Variants in PARD3 observed in about 807,000 individuals in gnomAD.
PARD3 encodes the protein partitioning defective 3 homolog.
Under a neutral mutation model 155.4 loss-of-function variants are expected in PARD3, and 75 were observed. The observed-to-expected ratio is 0.48, with a 90% CI of 0.40 to 0.58. PARD3 has a LOEUF of 0.58. Among genes scored for constraint, PARD3 ranks in the 20% least tolerant of loss-of-function variants. PARD3 has a pLI of 0.00. For synonymous variants in PARD3, 576 were observed against 610.5 expected, an observed-to-expected ratio of 0.94 and a Z score of 0.83; for missense variants, 1,642 against 1,721.7, an observed-to-expected ratio of 0.95 and a Z score of 0.82.
At chr10:34,684,868 T>TACACACACACAC (rs780196425) in intron 2 of PARD3, among the ~76,000 whole-genome samples, 1 of 60,380 alleles carries the variant, frequency 1.7e-5, no homozygotes, top group Non-Finnish European at 3.7e-5. Context: ...TGTATATATA[T>TACACACACACAC]ACACACACAT....
At position 34,648,062 on chromosome 10, in the gene PARD3, A is replaced by G. The variant is rs549221641; in HGVS notation, c.222+48256T>C. 2.6e-5 allele frequency among the ~76,000 whole-genome samples: 4 copies of G among 152,356 alleles called. No individual in the cohort carries two copies. In the East Asian group the frequency reaches 7.7e-4, roughly 29 times the overall value. On this transcript the variant is annotated intron_variant, in intron 2 of 24. Coordinates refer to ENST00000374788, the MANE Select transcript of PARD3 (RefSeq NM_001184785.2). Reference sequence around the variant, plus strand: ...GAAGTACTCAGGAATCTGTTTATAAATAGAAATATCTACTTCATCCCGGGA... The same window carrying G: ...GAAGTACTCAGGAATCTGTTTATAAGTAGAAATATCTACTTCATCCCGGGA...
At chr10:34,561,035 C>G (rs911400697) in intron 2 of PARD3, among the ~76,000 whole-genome samples, 1 of 152,178 alleles carries the variant, frequency 6.6e-6, no homozygotes, top group Admixed American at 6.5e-5. Context: ...AACAGGCAGC[C>G]CTGCTACTCA....
At chr10:34,175,942 G>A (rs1488797539) in intron 22 of PARD3, among the ~76,000 whole-genome samples, 1 of 152,126 alleles carries the variant, frequency 6.6e-6, no homozygotes, top group Non-Finnish European at 1.5e-5. Flanking sequence ...TTACTGAATT[G>A]AGACAATTTT....
intron 2 of PARD3, among the ~76,000 whole-genome samples, chr10:34,635,079 G>A (rs1317956265): frequency 3.9e-5 from 6 of 152,170 alleles, no homozygotes; most frequent in Admixed American, 2.6e-4. Context: ...GCTCAAAACC[G>A]GAGATTCACT....
At chr10:34,778,403 T>C (rs1246652330) in intron 1 of PARD3, among the ~76,000 whole-genome samples, 4 of 152,234 alleles carry the variant, frequency 2.6e-5, no homozygotes, top group African/African-American at 4.8e-5. Context: ...TTAACCATCA[T>C]GTTCTCAGCT....
At chr10:34,383,854 G>A (rs192133144) in intron 8 of PARD3, among the ~76,000 whole-genome samples, 1 of 152,260 alleles carries the variant, frequency 6.6e-6, no homozygotes, top group East Asian at 1.9e-4. Context: ...TGGGCACACT[G>A]TCAATTTTCC....
chr10:34,129,148 T>C (rs531739041), intron 23 of PARD3, among the ~76,000 whole-genome samples: 2 of 152,198 alleles, frequency 1.3e-5, no homozygotes, highest in South Asian at 4.1e-4. Context: ...ATCCAATCAT[T>C]TATTCTTTCT....
intron 2 of PARD3, among the ~76,000 whole-genome samples, chr10:34,693,503 G>A (rs1328751180): frequency 6.6e-6 from 1 of 152,154 alleles, no homozygotes; most frequent in Non-Finnish European, 1.5e-5. Context: ...CATGGGAAGA[G>A]AAAACCAAAT....
intron 2 of PARD3, among the ~76,000 whole-genome samples, chr10:34,541,745 T>C (rs2083625052): frequency 6.6e-6 from 1 of 152,190 alleles, no homozygotes; most frequent in Admixed American, 6.5e-5. Flanking sequence ...ATTAAGCCAA[T>C]ATTATATGTA....
chr10:34,640,696 G>T (rs1416750445), intron 2 of PARD3, among the ~76,000 whole-genome samples: 1 of 42,968 alleles, frequency 2.3e-5, no homozygotes, highest in Non-Finnish European at 5.2e-5. Context: ...ACAACAGAGT[G>T]AGACTCCATC....
At chr10:34,772,173 C>T (rs914806587) in intron 1 of PARD3, among the ~76,000 whole-genome samples, 1 of 151,672 alleles carries the variant, frequency 6.6e-6, no homozygotes, top group Non-Finnish European at 1.5e-5. Flanking sequence ...CTGTAATCCC[C>T]GGACTTTGGG....
chr10:34,320,821 T>C (rs1357789732), intron 19 of PARD3, among the ~76,000 whole-genome samples: 4 of 152,350 alleles, frequency 2.6e-5, no homozygotes, highest in Admixed American at 2.6e-4. Flanking sequence ...GAGGATTCTT[T>C]ATGCTTGTTC....
chr10:34,664,545 G>A (rs532265739), intron 2 of PARD3, among the ~76,000 whole-genome samples: 80 of 152,184 alleles, frequency 5.3e-4, no homozygotes, highest in African/African-American at 1.7e-3. Flanking sequence ...CTGGAGTGCG[G>A]TGGTATCTCA....
intron 1 of PARD3, among the ~76,000 whole-genome samples, chr10:34,804,005 T>C (rs1843083095): frequency 6.6e-6 from 1 of 151,330 alleles, no homozygotes; most frequent in Non-Finnish European, 1.5e-5. Flanking sequence ...ATCCAAATGA[T>C]GCACTTAGGG....
At chr10:34,153,694 G>C (rs1255390803) in intron 22 of PARD3, among the ~76,000 whole-genome samples, 6 of 152,150 alleles carry the variant, frequency 3.9e-5, no homozygotes, top group Non-Finnish European at 8.8e-5. Context: ...TCAAAGTCCA[G>C]AGAATTTTAA....
chr10:34,461,765 T>C (rs553808360), intron 4 of PARD3, among the ~76,000 whole-genome samples: 136 of 152,356 alleles, frequency 8.9e-4, no homozygotes, highest in African/African-American at 2.8e-3. Context: ...GTATAACATA[T>C]TCATTTCCCT....
intron 22 of PARD3, among the ~76,000 whole-genome samples, chr10:34,132,259 TTTTG>T (rs1947652066): frequency 6.6e-6 from 1 of 152,226 alleles, no homozygotes; most frequent in Non-Finnish European, 1.5e-5. Flanking sequence ...TAGTATTGAA[TTTTG>T]TTTTATTCTC....
intron 6 of PARD3, among the ~76,000 whole-genome samples, chr10:34,401,494 G>C (rs1158049636): frequency 6.6e-6 from 1 of 151,972 alleles, no homozygotes; most frequent in Non-Finnish European, 1.5e-5. Flanking sequence ...TCAAAATATT[G>C]ACACACAAAG....
intron 2 of PARD3, among the ~76,000 whole-genome samples, chr10:34,547,882 A>C (rs920631882): frequency 1.8e-4 from 27 of 152,228 alleles, no homozygotes; most frequent in African/African-American, 6.5e-4. Context: ...CTACATTATG[A>C]AGTGTTAACA....
Sources: gnomAD v4.1 joint callset for allele counts (sites outside exome capture counted in the v4.1 genomes callset) on GRCh38, gnomAD v4.1.1 for gene constraint, MANE v1.5 for transcripts, NCBI Gene and HGNC (gene_info 2026-07-23, HGNC 2026-07-21) for gene names.